The following SLC35A3 variants were observed in gnomAD, a reference collection of about 807,000 sequenced individuals.
SLC35A3 encodes UDP-N-acetylglucosamine transporter.
Under a neutral mutation model 39.0 loss-of-function variants are expected in SLC35A3, and 26 were observed. The ratio of observed to expected loss-of-function variants is 0.67; its 90% CI spans 0.49 to 0.92. The LOEUF (loss-of-function observed/expected upper bound fraction) is 0.92, where lower values mean the gene tolerates loss of function less well. Among genes scored for constraint, SLC35A3 ranks in the 40% least tolerant of loss-of-function variants. SLC35A3 has a pLI of 0.00. For synonymous variants in SLC35A3, 135 were observed against 133.1 expected (o/e 1.01, Z -0.10); for missense variants, 299 against 371.6 (o/e 0.80, Z 1.61).
Position 100,024,754 on chromosome 1 carries a change from A to G in SLC35A3, c.*2278A>G. 2.5e-6 allele frequency: 1 copy of G among 395,412 alleles called. No individual in the cohort carries two copies. The highest frequency in any genetic ancestry group is 3.6e-5 in the East Asian group (1 of 27,786). The allele number at this position is 395,412 out of a possible 1,614,324, so 24.5% of individuals were successfully genotyped here. ...CTGCCTCAGCCTCTGAGTAGCTGGGATTGCAGGCGTGAGCCACTGCGCCCG... is the reference window on the plus strand; with the variant it reads ...CTGCCTCAGCCTCTGAGTAGCTGGGGTTGCAGGCGTGAGCCACTGCGCCCG... On this transcript the variant is annotated 3_prime_UTR_variant, in exon 8 of 8. Coordinates refer to ENST00000533028, the MANE Select transcript of SLC35A3 (RefSeq NM_012243.3).
chr1:100,013,676 A>ATG (rs891713017), intron 5 of SLC35A3, among the ~76,000 whole-genome samples: 16 of 151,790 alleles, frequency 1.1e-4, no homozygotes, highest in African/African-American at 3.9e-4. Context: ...TATTTTATAT[A>ATG]TGTGTGTATA....
intron 1 of SLC35A3, among the ~76,000 whole-genome samples, chr1:99,987,264 C>A (rs907619152): frequency 3.3e-5 from 5 of 152,102 alleles, no homozygotes; most frequent in African/African-American, 4.8e-5. Flanking sequence ...ACATATTATA[C>A]CTCTAAAGTG....
Position 100,031,771 on chromosome 1 carries a change from G to T in SLC35A3, c.*9295G>T, listed in dbSNP as rs992416570. The T allele has an allele frequency of 1.3e-5, 2 of 152,118 alleles. No individual in the cohort carries two copies. Among genetic ancestry groups the T allele is most frequent in the Non-Finnish European group, 2.9e-5 (2 of 68,020 alleles). The allele number at this position is 152,118 out of a possible 1,614,324, so 9.4% of individuals were successfully genotyped here. On this transcript the variant is annotated 3_prime_UTR_variant, in exon 8 of 8. Transcript: ENST00000533028. Reference sequence around the variant, plus strand: ...TTATAGCTTTTTTGTTTTGGAACGAGGGTAAAATCAAGGTTAATGCTTTGT... The same window carrying T: ...TTATAGCTTTTTTGTTTTGGAACGATGGTAAAATCAAGGTTAATGCTTTGT...
At chr1:99,999,805 C>A (rs966315608) in intron 3 of SLC35A3, among the ~76,000 whole-genome samples, 1 of 151,642 alleles carries the variant, frequency 6.6e-6, no homozygotes, top group East Asian at 1.9e-4. Flanking sequence ...GAGATCCCCC[C>A]GCTCCCTTTT....
intron 6 of SLC35A3, among the ~76,000 whole-genome samples, chr1:100,017,200 G>A (rs978104231): frequency 6.6e-6 from 1 of 152,104 alleles, no homozygotes; most frequent in Non-Finnish European, 1.5e-5. Context: ...TTAAAACTGT[G>A]CTTTAGAAAA....
At chr1:99,981,398 A>G (rs1657440380) in intron 1 of SLC35A3, among the ~76,000 whole-genome samples, 1 of 152,184 alleles carries the variant, frequency 6.6e-6, no homozygotes. Flanking sequence ...CCTTGTTTTT[A>G]TAATAGAAGG....
chr1:100,022,488 C>T lies in SLC35A3; in HGVS notation c.*12C>T, dbSNP rs76983464. The T allele has an allele frequency of 5.4e-3, 7,768 of 1,446,668 alleles. 45 individuals carry two copies. Among genetic ancestry groups the T allele is most frequent in the Middle Eastern group, 0.018 (104 of 5,694 alleles). 89.6% of individuals were successfully genotyped at this position (1,446,668 alleles called of 1,614,324 possible). A position where few individuals can be genotyped will look rare whatever the true frequency, so the allele number is the denominator to read the frequency against. On this transcript the variant is annotated 3_prime_UTR_variant, in exon 8 of 8. Coordinates refer to ENST00000533028, the MANE Select transcript of SLC35A3 (RefSeq NM_012243.3). The stretch of plus-strand genomic sequence containing the variant: ...CCACTAAAGCATAGTTGTATACTAT[C>T]TTTAACTGGTTTTTCACGATGGGGC...
At chr1:100,017,656 T>C in intron 6 of SLC35A3, 26 bp from the exon 7 acceptor site, 1 of 1,453,760 alleles carries the variant, frequency 6.9e-7, no homozygotes, top group South Asian at 1.4e-5. Context: ...ATGTGTGTTT[T>C]AAAAAATATT....
At chr1:100,004,565 G>A (rs1384689536) in intron 3 of SLC35A3, among the ~76,000 whole-genome samples, 1 of 151,806 alleles carries the variant, frequency 6.6e-6, no homozygotes, top group Admixed American at 6.6e-5. Flanking sequence ...GCCTCCCAAA[G>A]TGTGATTACA....
At chr1:100,014,855 A>T (rs1557844013) in intron 5 of SLC35A3, among the ~76,000 whole-genome samples, 1 of 152,146 alleles carries the variant, frequency 6.6e-6, no homozygotes, top group East Asian at 1.9e-4. Flanking sequence ...CCAAGTAAAA[A>T]TTTTAGAAAG....
intron 7 of SLC35A3, among the ~76,000 whole-genome samples, chr1:100,020,141 G>A (rs979176284): frequency 2.6e-5 from 4 of 152,096 alleles, no homozygotes; most frequent in African/African-American, 9.7e-5. Flanking sequence ...CAATAATTCT[G>A]TTAGAGGGGG....
At chr1:99,987,852 G>A (rs557322027) in intron 1 of SLC35A3, among the ~76,000 whole-genome samples, 1 of 152,270 alleles carries the variant, frequency 6.6e-6, no homozygotes, top group South Asian at 2.1e-4. Flanking sequence ...AAAGATAGAG[G>A]TGGGGTGAAG....
intron 1 of SLC35A3, among the ~76,000 whole-genome samples, chr1:99,990,303 C>T (rs967769133): frequency 1.2e-4 from 19 of 152,164 alleles, no homozygotes; most frequent in South Asian, 8.3e-4. Flanking sequence ...TGGCGGGGCA[C>T]GGTGGCTGAA....
At chr1:99,999,793 A>C (rs1005141240) in intron 3 of SLC35A3, among the ~76,000 whole-genome samples, 1 of 148,768 alleles carries the variant, frequency 6.7e-6, no homozygotes, top group Non-Finnish European at 1.5e-5. Flanking sequence ...CTCTACCTCC[A>C]TGAGATCCCC....
chr1:99,974,275 A>G (rs1348030824), intron 1 of SLC35A3, among the ~76,000 whole-genome samples: 2 of 152,196 alleles, frequency 1.3e-5, no homozygotes, highest in African/African-American at 4.8e-5. Flanking sequence ...TAGTATAATA[A>G]TCACTTTATT....
intron 1 of SLC35A3, among the ~76,000 whole-genome samples, chr1:99,971,243 A>T (rs966669406): frequency 1.3e-5 from 2 of 152,110 alleles, no homozygotes; most frequent in Non-Finnish European, 2.9e-5. Flanking sequence ...TATATTATTT[A>T]GGGAGGCTTC....
At chr1:99,980,941 A>G (rs1220117599) in intron 1 of SLC35A3, among the ~76,000 whole-genome samples, 5 of 152,186 alleles carry the variant, frequency 3.3e-5, no homozygotes, top group African/African-American at 1.2e-4. Context: ...AGTACAAGAT[A>G]TTGTTGCTCT....
At chr1:100,008,791 C>T (rs1659419517) in intron 4 of SLC35A3, 1 of 152,170 alleles carries the variant, frequency 6.6e-6, no homozygotes, top group South Asian at 2.1e-4. Context: ...CACCATAGTA[C>T]TTTGTACATA....
chr1:100,018,177 G>A (rs1296135556), intron 7 of SLC35A3, among the ~76,000 whole-genome samples: 2 of 152,130 alleles, frequency 1.3e-5, no homozygotes, highest in Non-Finnish European at 2.9e-5. Context: ...AGTTTATATA[G>A]AGAATGTGGC....
Sources: allele counts gnomAD v4.1 joint callset (sites outside exome capture counted in the v4.1 genomes callset), GRCh38; gene constraint gnomAD v4.1.1; transcripts MANE v1.5; gene names NCBI Gene and HGNC (gene_info 2026-07-23, HGNC 2026-07-21).